Variants in TMEM74 observed in about 807,000 individuals in gnomAD.
The protein encoded by TMEM74 is transmembrane protein 74.
Under a neutral mutation model 18.1 loss-of-function variants are expected in TMEM74, and 13 were observed. That is an observed-to-expected ratio of 0.72 (90% CI 0.47 to 1.14). The LOEUF (loss-of-function observed/expected upper bound fraction) is 1.14. Ranked by LOEUF, TMEM74 falls within the 50% of genes most tolerant of loss-of-function variation. The pLI, the probability that TMEM74 is intolerant of heterozygous loss-of-function variation, is 0.00. For missense variants in TMEM74, 372 were observed against 375.9 expected, an observed-to-expected ratio of 0.99 and a Z score of 0.09; for synonymous variants, 159 against 146.6, an observed-to-expected ratio of 1.08 and a Z score of -0.61.
chr8:108,757,949 C>T (rs897797933), intron 1 of TMEM74, among the ~76,000 whole-genome samples: 1 of 151,914 alleles, frequency 6.6e-6, no homozygotes, highest in South Asian at 2.1e-4. Context: ...CCTGTGCTAT[C>T]AAGAGAAATG....
intron 1 of TMEM74, among the ~76,000 whole-genome samples, chr8:108,709,538 G>A (rs1813454240): frequency 6.6e-6 from 1 of 152,126 alleles, no homozygotes; most frequent in East Asian, 1.9e-4. Context: ...TAAGAGAAAT[G>A]GGGAATTGTT....
At chr8:108,665,483 G>T (rs186717463) in intron 1 of TMEM74, among the ~76,000 whole-genome samples, 1 of 152,202 alleles carries the variant, frequency 6.6e-6, no homozygotes, top group African/African-American at 2.4e-5. Flanking sequence ...AAAAATGCAA[G>T]GAAGGTTTTA....
intron 2 of TMEM74, among the ~76,000 whole-genome samples, chr8:108,645,589 A>G (rs1301735844): frequency 1.3e-5 from 2 of 152,154 alleles, no homozygotes; most frequent in Admixed American, 6.6e-5. Flanking sequence ...ATCATGTACT[A>G]GAGACATGAC....
At chr8:108,712,303 C>T (rs1813482594) in intron 1 of TMEM74, among the ~76,000 whole-genome samples, 1 of 152,176 alleles carries the variant, frequency 6.6e-6, no homozygotes, top group Admixed American at 6.5e-5. Flanking sequence ...TCAGTGTTTT[C>T]CAGCCTGAAT....
chr8:108,648,685 A>G (rs1320201222), intron 2 of TMEM74, among the ~76,000 whole-genome samples: 1 of 152,102 alleles, frequency 6.6e-6, no homozygotes, highest in Admixed American at 6.6e-5. Context: ...TTCAAGATGG[A>G]GGGAGGAGTC....
At chr8:108,762,435 G>A (rs1814055714) in intron 1 of TMEM74, among the ~76,000 whole-genome samples, 2 of 152,050 alleles carry the variant, frequency 1.3e-5, no homozygotes, top group Non-Finnish European at 1.5e-5. Flanking sequence ...TCCTCATTTT[G>A]TGTAATTTCT....
intron 2 of TMEM74, among the ~76,000 whole-genome samples, chr8:108,653,878 T>G (rs944834729): frequency 2.0e-5 from 3 of 152,126 alleles, no homozygotes; most frequent in Non-Finnish European, 4.4e-5. Flanking sequence ...AGGCTTTTGC[T>G]ATTTATTTGT....
intron 1 of TMEM74, among the ~76,000 whole-genome samples, chr8:108,667,254 A>G (rs1200571820): frequency 6.6e-6 from 1 of 152,204 alleles, no homozygotes; most frequent in African/African-American, 2.4e-5. Context: ...GTAGGCACAT[A>G]AGACTGACCA....
In TMEM74 at chr8:108,773,832, C is replaced by T. The variant is rs1289478475; in HGVS notation, n.119+13644G>A. On this transcript the variant is annotated intron_variant and non_coding_transcript_variant, in intron 1 of 3. Coordinates refer to the TMEM74 transcript ENST00000518838. ...AGTCGCAGGCAAGCCTTAAAATGCC[C>T]GTAACCCTAGCCAACAGCGTGACTG... Among the ~76,000 whole-genome samples, 7 of 152,238 alleles carry T rather than the reference C, an allele frequency of 4.6e-5. No homozygotes were observed. In the South Asian group the frequency reaches 6.2e-4, roughly 14 times the overall value.
intron 2 of TMEM74, among the ~76,000 whole-genome samples, chr8:108,609,136 C>T (rs1370575957): frequency 6.6e-6 from 1 of 152,152 alleles, no homozygotes; most frequent in Non-Finnish European, 1.5e-5. Context: ...AAGAGTTATA[C>T]AGATAAATCC....
At chr8:108,691,260 T>C (rs538348561) in intron 1 of TMEM74, among the ~76,000 whole-genome samples, 4 of 152,290 alleles carry the variant, frequency 2.6e-5, no homozygotes, top group South Asian at 4.1e-4. Context: ...AGGTAGTTGT[T>C]GGGAACCTGC....
intron 1 of TMEM74, among the ~76,000 whole-genome samples, chr8:108,773,321 C>T (rs1032337916): frequency 6.6e-6 from 1 of 151,172 alleles, no homozygotes; most frequent in African/African-American, 2.4e-5. Context: ...ATCAATATAT[C>T]CTAAAAAAAG....
At chr8:108,646,406 TCA>T (rs1812720970) in intron 2 of TMEM74, among the ~76,000 whole-genome samples, 1 of 152,118 alleles carries the variant, frequency 6.6e-6, no homozygotes, top group African/African-American at 2.4e-5. Context: ...TGCCCACCTC[TCA>T]GTGTTGTCAC....
intron 1 of TMEM74, among the ~76,000 whole-genome samples, chr8:108,756,548 AAAAGAAAGAAAGAAAG>A (rs57444896): frequency 3.8e-4 from 17 of 44,956 alleles, no homozygotes; most frequent in South Asian, 3.2e-3. Context: ...CACTGTAAAG[AAAAGAAAGAAAGAAAG>A]AAAGAAAGAA....
At chr8:108,608,074 C>T (rs1046990467) in intron 3 of TMEM74, among the ~76,000 whole-genome samples, 33 of 151,934 alleles carry the variant, frequency 2.2e-4, no homozygotes, top group African/African-American at 7.0e-4. Flanking sequence ...GAGGCCGAGG[C>T]GGGTGGATCA....
intron 1 of TMEM74, among the ~76,000 whole-genome samples, chr8:108,739,949 G>A (rs993037075): frequency 8.5e-5 from 13 of 152,210 alleles, no homozygotes; most frequent in Middle Eastern, 3.4e-3. Context: ...TGAAGGCCCC[G>A]AGCTCTGGGA....
At chr8:108,772,900 C>A (rs13256239) in intron 1 of TMEM74, among the ~76,000 whole-genome samples, 38,950 of 152,008 alleles carry the variant, frequency 0.26, 5,487 homozygotes, top group Middle Eastern at 0.33. Context: ...ACAGGATTGT[C>A]ATGGGGATTC....
chr8:108,677,400 A>G (rs1023731293), intron 1 of TMEM74, among the ~76,000 whole-genome samples: 5 of 152,222 alleles, frequency 3.3e-5, no homozygotes, highest in Non-Finnish European at 5.9e-5. Flanking sequence ...ATTAACATAT[A>G]AAATGTATTA....
At chr8:108,612,748 G>A (rs899350780) in intron 2 of TMEM74, among the ~76,000 whole-genome samples, 22 of 152,154 alleles carry the variant, frequency 1.4e-4, no homozygotes, top group African/African-American at 5.3e-4. Flanking sequence ...GATAAGAAAT[G>A]TGTTTTGTGA....
Sources: gnomAD v4.1 joint callset for allele counts (sites outside exome capture counted in the v4.1 genomes callset) on GRCh38, gnomAD v4.1.1 for gene constraint, MANE v1.5 for transcripts, NCBI Gene and HGNC (gene_info 2026-07-23, HGNC 2026-07-21) for gene names.